Variants in PDE4D observed in about 807,000 individuals in gnomAD.
PDE4D encodes 3',5'-cyclic-AMP phosphodiesterase 4D.
Under a neutral mutation model 87.4 loss-of-function variants are expected in PDE4D, and 24 were observed. The ratio of observed to expected loss-of-function variants is 0.27; its 90% CI spans 0.20 to 0.39. The LOEUF (loss-of-function observed/expected upper bound fraction) is 0.39, where lower values mean the gene tolerates loss of function less well. PDE4D is among the 10% of genes least tolerant of loss of function. PDE4D has a pLI of 1.00. For synonymous variants in PDE4D, 384 were observed against 383.2 expected (o/e 1.00, Z -0.02); for missense variants, 714 against 1,041.0 (o/e 0.69, Z 4.32).
intron 4 of PDE4D, among the ~76,000 whole-genome samples, chr5:59,183,059 C>A (rs927599236): frequency 6.6e-6 from 1 of 152,210 alleles, no homozygotes; most frequent in Non-Finnish European, 1.5e-5. Context: ...AGGAAAGGTT[C>A]TGATTCTCCC....
intron 1 of PDE4D, among the ~76,000 whole-genome samples, chr5:60,374,724 C>T (rs1157040770): frequency 1.3e-5 from 2 of 151,900 alleles, no homozygotes; most frequent in African/African-American, 4.8e-5. Context: ...GTTCCCAGTT[C>T]AAAAGGGAAA....
chr5:59,141,227 A>G (rs540308480), intron 5 of PDE4D, among the ~76,000 whole-genome samples: 2 of 152,344 alleles, frequency 1.3e-5, no homozygotes, highest in South Asian at 4.1e-4. Context: ...TTTCAGAGTA[A>G]TGTATACCAC....
At chr5:59,528,523 G>A (rs1191077556) in intron 1 of PDE4D, among the ~76,000 whole-genome samples, 1 of 152,174 alleles carries the variant, frequency 6.6e-6, no homozygotes, top group East Asian at 1.9e-4. Flanking sequence ...ACAACGATAC[G>A]ATGTGGCAGC....
rs188379860 is a variant in PDE4D at position 59,026,927 on chromosome 5, T to C, written c.921+11932A>G. The stretch of plus-strand genomic sequence containing the variant: ...TAGTATGGCACATTTGTCACAATTA[T>C]TGAACCAATACTGATACATTATTAT... On this transcript the variant is annotated intron_variant, in intron 6 of 14. Transcript: ENST00000340635. 2.9e-3 allele frequency among the ~76,000 whole-genome samples: 444 copies of C among 152,320 alleles called. 1 individual carries two copies. The highest frequency in any genetic ancestry group is 5.1e-3 in the Non-Finnish European group (345 of 68,030).
At chr5:60,264,450 C>G (rs1345691559) in intron 1 of PDE4D, among the ~76,000 whole-genome samples, 1 of 152,180 alleles carries the variant, frequency 6.6e-6, no homozygotes, top group Admixed American at 6.5e-5. Context: ...CCTCCCCAGG[C>G]CCCACGCTCT....
chr5:59,865,099 A>G (rs916447984), intron 1 of PDE4D, among the ~76,000 whole-genome samples: 5 of 152,206 alleles, frequency 3.3e-5, no homozygotes, highest in African/African-American at 1.2e-4. Context: ...ATAGCCTAGT[A>G]TTCTCTACAT....
At chr5:59,095,787 C>A (rs1256699361) in intron 5 of PDE4D, among the ~76,000 whole-genome samples, 1 of 152,088 alleles carries the variant, frequency 6.6e-6, no homozygotes, top group African/African-American at 2.4e-5. Context: ...ATAATATCAA[C>A]AAATATGAAA....
At chr5:60,299,656 G>A (rs1753718869) in intron 1 of PDE4D, among the ~76,000 whole-genome samples, 1 of 152,078 alleles carries the variant, frequency 6.6e-6, no homozygotes, top group Non-Finnish European at 1.5e-5. Flanking sequence ...GTGGTGTTTG[G>A]TTTTCCGTTC....
At chr5:59,049,666 A>G (rs1397336243) in intron 5 of PDE4D, among the ~76,000 whole-genome samples, 1 of 152,240 alleles carries the variant, frequency 6.6e-6, no homozygotes, top group Non-Finnish European at 1.5e-5. Flanking sequence ...ACACCCCCAG[A>G]AAAATGAGCA....
intron 3 of PDE4D, among the ~76,000 whole-genome samples, chr5:59,978,484 T>C (rs972898350): frequency 6.6e-6 from 1 of 152,208 alleles, no homozygotes; most frequent in Non-Finnish European, 1.5e-5. Flanking sequence ...TGCAATCTTA[T>C]GATAAAACTT....
chr5:59,589,674 G>A (rs535063929), intron 1 of PDE4D, among the ~76,000 whole-genome samples: 1 of 152,208 alleles, frequency 6.6e-6, no homozygotes, highest in Non-Finnish European at 1.5e-5. Flanking sequence ...TGGGTGATAG[G>A]ATAGTAAGAA....
intron 1 of PDE4D, among the ~76,000 whole-genome samples, chr5:60,195,168 T>A (rs1741065291): frequency 6.6e-6 from 1 of 151,602 alleles, no homozygotes; most frequent in African/African-American, 2.4e-5. Context: ...TGGAAGAGTT[T>A]CCTGATTCTC....
At chr5:60,189,359 T>G (rs1330859938) in intron 1 of PDE4D, among the ~76,000 whole-genome samples, 1 of 152,190 alleles carries the variant, frequency 6.6e-6, no homozygotes, top group Non-Finnish European at 1.5e-5. Flanking sequence ...CTTGAACTGG[T>G]CATCAGATGA....
chr5:59,700,160 A>T (rs1324082358), intron 1 of PDE4D, among the ~76,000 whole-genome samples: 2 of 152,294 alleles, frequency 1.3e-5, no homozygotes, highest in East Asian at 3.9e-4. Flanking sequence ...GAAGAACAAA[A>T]CATTCAGAAC....
intron 5 of PDE4D, among the ~76,000 whole-genome samples, chr5:59,122,180 G>A (rs897634163): frequency 7.0e-5 from 10 of 142,546 alleles, no homozygotes; most frequent in Admixed American, 1.4e-4. Flanking sequence ...AGAAAGAAAG[G>A]AAGAAAGAAA....
intron 2 of PDE4D, among the ~76,000 whole-genome samples, chr5:60,123,091 C>T (rs183902044): frequency 8.5e-5 from 13 of 152,310 alleles, no homozygotes; most frequent in Non-Finnish European, 1.8e-4. Context: ...CAGCTTGGAT[C>T]TTATTGTCCA....
At chr5:59,131,574 A>C (rs1776267341) in intron 5 of PDE4D, among the ~76,000 whole-genome samples, 1 of 149,634 alleles carries the variant, frequency 6.7e-6, no homozygotes. Context: ...GTTAAATTTA[A>C]AGAAATAATA....
At chr5:59,065,508 CAAAA>C (rs1173611418) in intron 5 of PDE4D, among the ~76,000 whole-genome samples, 1 of 151,702 alleles carries the variant, frequency 6.6e-6, no homozygotes, top group Non-Finnish European at 1.5e-5. Flanking sequence ...GAAAACAAAA[CAAAA>C]AAACCCAAAA....
intron 1 of PDE4D, among the ~76,000 whole-genome samples, chr5:60,441,847 C>G (rs1169308955): frequency 6.6e-6 from 1 of 151,890 alleles, no homozygotes; most frequent in Non-Finnish European, 1.5e-5. Context: ...AAAAGCTCAT[C>G]ATCACTGGTC....
Sources: allele counts gnomAD v4.1 joint callset (sites outside exome capture counted in the v4.1 genomes callset), GRCh38; gene constraint gnomAD v4.1.1; transcripts MANE v1.5; gene names NCBI Gene and HGNC (gene_info 2026-07-23, HGNC 2026-07-21).